TBL2: variants seen among roughly 807,000 people sequenced by gnomAD.
TBL2 encodes transducin beta like 2.
In TBL2, 33 loss-of-function variants were observed where a neutral mutation model predicts 41.8. The observed-to-expected ratio is 0.79, with a 90% CI of 0.60 to 1.06. The LOEUF (loss-of-function observed/expected upper bound fraction) is 1.06, where lower values mean the gene tolerates loss of function less well. Among genes scored for constraint, TBL2 ranks in the 50% least tolerant of loss-of-function variants. TBL2 has a pLI of 0.00. For synonymous variants in TBL2, 239 were observed against 241.7 expected (o/e 0.99, Z 0.10); for missense variants, 522 against 603.8 (o/e 0.86, Z 1.42).
At chr7:73,575,761 G>C (rs1371625382) in intron 1 of TBL2, among the ~76,000 whole-genome samples, 3 of 152,210 alleles carry the variant, frequency 2.0e-5, no homozygotes, top group African/African-American at 7.2e-5. Flanking sequence ...GAGAGGTTGA[G>C]AACTGGGGGC....
chr7:73,570,830 G>C lies in TBL2; in HGVS notation c.1021C>G (p.Pro341Ala). ...GCCAAGGCCAAGACCTGGGCGTTGGGGGAGAGGGCCAGGCGGCACGGCGCG... is the reference window on the plus strand; with the variant it reads ...GCCAAGGCCAAGACCTGGGCGTTGGCGGAGAGGGCCAGGCGGCACGGCGCG... ...GAAPCRLALS[P>A]NAQVLALASG... The change falls in exon 7 of 7, where the codon CCC becomes GCC. Residue 341 changes from proline (P) to alanine (A), a missense_variant. Coordinates refer to ENST00000305632, the MANE Select transcript of TBL2 (RefSeq NM_012453.4). 1 of 1,613,940 alleles carries C rather than the reference G, an allele frequency of 6.2e-7. No homozygotes were observed. Among genetic ancestry groups the C allele is most frequent in the Non-Finnish European group, 8.5e-7 (1 of 1,180,040 alleles).
chr7:73,574,056 C>T lies in TBL2; in HGVS notation c.328G>A (p.Asp110Asn). The change falls in exon 3 of 7, where the codon GAT becomes AAT. Residue 110 changes from aspartate (D) to asparagine (N), a missense_variant. Coordinates refer to ENST00000305632, the MANE Select transcript of TBL2 (RefSeq NM_012453.4). ...CTCCAGATGCGGATGGTGCGATCATCTGCACAGGTAGCCAGGTATTTGCCA... is the reference window on the plus strand; with the variant it reads ...CTCCAGATGCGGATGGTGCGATCATTTGCACAGGTAGCCAGGTATTTGCCA... ...SNGKYLATCA[D>N]DRTIRIWSTK... 1 of 1,614,226 alleles carries T rather than the reference C, an allele frequency of 6.2e-7. No individual in the cohort carries two copies. The highest frequency in any genetic ancestry group is 8.5e-7 in the Non-Finnish European group (1 of 1,180,040).
In TBL2 at chr7:73,578,380, G is replaced by A. The variant is rs984764901; in HGVS notation, c.130+40C>T. 7 of 1,522,094 alleles carry A rather than the reference G, an allele frequency of 4.6e-6. 1 individual carries two copies. The highest frequency in any genetic ancestry group is 2.0e-4 in the Middle Eastern group (1 of 4,940). 94.3% of individuals were successfully genotyped at this position (1,522,094 alleles called of 1,614,324 possible). ...GGACCACGAGGAGGCCGGGAGCCGG[G>A]ACACCGCGGGCCGCCCCCACCCGAC... On this transcript the variant is annotated intron_variant, in intron 1 of 6. Transcript: ENST00000305632.
intron 1 of TBL2, among the ~76,000 whole-genome samples, chr7:73,577,037 C>T (rs1159683758): frequency 6.6e-6 from 1 of 151,954 alleles, no homozygotes; most frequent in Admixed American, 6.6e-5. Context: ...GCAGGTGGAT[C>T]ACAAGAGGTT....
At chr7:73,577,246 C>T (rs57687668) in intron 1 of TBL2, among the ~76,000 whole-genome samples, 37 of 97,228 alleles carry the variant, frequency 3.8e-4, no homozygotes, top group African/African-American at 1.3e-3. Flanking sequence ...GGCGACAGAG[C>T]AAAACTCCGT....
Position 73,570,143 on chromosome 7 carries a change from T to G in TBL2, c.*364A>C. 1 of 198,860 alleles carries G rather than the reference T, an allele frequency of 5.0e-6. No homozygotes were observed. Among genetic ancestry groups the G allele is most frequent in the Non-Finnish European group, 1.0e-5 (1 of 97,478 alleles). The allele number at this position is 198,860 out of a possible 1,614,324, so 12.3% of individuals were successfully genotyped here. ...TAGTACTCAGGTGTTCTCTAGGTTG[T>G]TCTGGAACATTTACAAACTTCTTTG... On this transcript the variant is annotated 3_prime_UTR_variant, in exon 7 of 7. Coordinates refer to ENST00000305632, the MANE Select transcript of TBL2 (RefSeq NM_012453.4).
rs551635943 is a variant in TBL2 at position 73,570,537 on chromosome 7, G to T, written c.1314C>A (p.Thr438=). The change falls in exon 7 of 7, where the codon ACC becomes ACA. Residue 438 remains threonine (T), a synonymous_variant. Coordinates refer to ENST00000305632, the MANE Select transcript of TBL2 (RefSeq NM_012453.4). ...LQQQLTQAQE[T]LKSLGALKK Reference sequence around the variant, plus strand: ...TCTTCAGGGCACCCAGGCTCTTCAGGGTCTCTTGGGCCTGGGTCAGCTGCT... The same window carrying T: ...TCTTCAGGGCACCCAGGCTCTTCAGTGTCTCTTGGGCCTGGGTCAGCTGCT... 1.0e-5 allele frequency: 16 copies of T among 1,589,340 alleles called. No homozygotes were observed. In the African/African-American group the frequency reaches 1.6e-4, roughly 16 times the overall value.
At position 73,573,393 on chromosome 7, in the gene TBL2, GGTGT is replaced by G. The variant is rs1554588185; in HGVS notation, c.521_524del (p.Tyr174SerfsTer30). ...GGAAGTCCTCTGGGGTGGCTGTGAA[GGTGT>G]AGCCCCCATCCTCCCGCTTGGTCAT... On this transcript the variant is annotated frameshift_variant, in exon 4 of 7. Coordinates refer to ENST00000305632, the MANE Select transcript of TBL2 (RefSeq NM_012453.4). LOFTEE classifies it high-confidence loss of function. The G allele has an allele frequency of 6.2e-7, 1 of 1,614,186 alleles. No homozygotes were observed. Among genetic ancestry groups the G allele is most frequent in the Non-Finnish European group, 8.5e-7 (1 of 1,180,024 alleles).
rs139503659 is a variant in TBL2 at position 73,570,663 on chromosome 7, C to A, written c.1188G>T (p.Val396=). Residue 396 remains valine (V), a synonymous_variant, in exon 7 of 7, where the codon GTG becomes GTT. Coordinates refer to ENST00000305632, the MANE Select transcript of TBL2 (RefSeq NM_012453.4). ...GGCCAGGAGTGTTGTGAAACAGCCG[C>A]ACCGCCCGGTCCCCACAGGAGGCCA... The part of the protein sequence containing the change: ...RFLASCGDRA[V]RLFHNTPGHR... The A allele has an allele frequency of 1.4e-5, 23 of 1,613,904 alleles. No homozygotes were observed. The African/African-American group carries it at 1.6e-4, about 11-fold the overall frequency.
intron 1 of TBL2, chr7:73,574,725 T>C (rs1453927839): frequency 4.5e-5 from 29 of 650,660 alleles, no homozygotes; most frequent in Non-Finnish European, 7.5e-5. Context: ...CTTTGGATCA[T>C]TTGAGCCCAG....
chr7:73,571,568 C>A (rs1305261664), intron 5 of TBL2: 1 of 467,008 alleles, frequency 2.1e-6, no homozygotes. Flanking sequence ...ACCAGCCTGG[C>A]CAACATGGTG....
intron 1 of TBL2, among the ~76,000 whole-genome samples, chr7:73,577,672 T>G (rs1793424001): frequency 6.6e-6 from 1 of 152,196 alleles, no homozygotes; most frequent in Non-Finnish European, 1.5e-5. Context: ...GACAGGCTCT[T>G]GCCGTCACCC....
intron 5 of TBL2, 31 bp from the exon 6 acceptor site, chr7:73,571,372 T>G: frequency 6.2e-7 from 1 of 1,613,444 alleles, no homozygotes; most frequent in Non-Finnish European, 8.5e-7. Flanking sequence ...CTTTAAAACT[T>G]CATTTTCGGA....
Position 73,572,928 on chromosome 7 carries a change from A to G in TBL2, c.641T>C (p.Ile214Thr), listed in dbSNP as rs1463584596. ...CAGCACTTGACCCTTCAGGCTCCAG[A>G]TGAGGACAGTGGTGTCACTGGAGGC... ...MTASSDTTVL[I>T]WSLKGQVLST... Residue 214 changes from isoleucine (I) to threonine (T), a missense_variant, in exon 5 of 7, where the codon ATC becomes ACC. Coordinates refer to ENST00000305632, the MANE Select transcript of TBL2 (RefSeq NM_012453.4). 1.9e-6 allele frequency: 3 copies of G among 1,614,056 alleles called. No homozygotes were observed. The highest frequency in any genetic ancestry group is 2.5e-6 in the Non-Finnish European group (3 of 1,180,024).
At chr7:73,573,724 G>T in intron 3 of TBL2, 1 of 758,612 alleles carries the variant, frequency 1.3e-6, no homozygotes, top group Non-Finnish European at 2.1e-6. Context: ...GGTATTTCCA[G>T]GTAGGAAGAG....
rs1325146992 is a variant in TBL2 at position 73,567,589 on chromosome 7, T to C, written c.*2918A>G. 6.6e-6 allele frequency among the ~76,000 whole-genome samples: 1 copy of C among 152,094 alleles called. No homozygotes were observed. The highest frequency in any genetic ancestry group is 2.4e-5 in the African/African-American group (1 of 41,396). On this transcript the variant is annotated 3_prime_UTR_variant, in exon 7 of 7. Coordinates refer to ENST00000305632, the MANE Select transcript of TBL2 (RefSeq NM_012453.4). ...TTGAAAAATTTCACACCCACAGATG[T>C]TGAAATTATAATATTAAGATACAAT...
Position 73,574,694 on chromosome 7 carries a change from C to G in TBL2, c.131-181G>C, listed in dbSNP as rs1336277658. Reference sequence around the variant, plus strand: ...GGCTTTGGCTGGCTGGGTATGGTGGCTCATGCCTGTAATCCCAATGCTTTG... The same window carrying G: ...GGCTTTGGCTGGCTGGGTATGGTGGGTCATGCCTGTAATCCCAATGCTTTG... On this transcript the variant is annotated intron_variant, in intron 1 of 6. Coordinates refer to ENST00000305632, the MANE Select transcript of TBL2 (RefSeq NM_012453.4). The G allele has an allele frequency of 3.9e-6, 3 of 774,150 alleles. No individual in the cohort carries two copies. In the African/African-American group the frequency reaches 5.2e-5, roughly 13 times the overall value. 48.0% of individuals were successfully genotyped at this position (774,150 alleles called of 1,614,324 possible). A position where few individuals can be genotyped will look rare whatever the true frequency, so the allele number is the denominator to read the frequency against.
At chr7:73,576,222 T>C (rs573490565) in intron 1 of TBL2, among the ~76,000 whole-genome samples, 2 of 145,496 alleles carry the variant, frequency 1.4e-5, no homozygotes, top group African/African-American at 5.1e-5. Flanking sequence ...TTTTTTTGTT[T>C]GATACAGAGT....
At position 73,571,250 on chromosome 7, in the gene TBL2, A is replaced by C. The variant is rs1042920409; in HGVS notation, c.817T>G (p.Phe273Val). Residue 273 changes from phenylalanine to valine, a missense_variant, in exon 6 of 7, where the codon TTC becomes GTC. Phe to Val is a conservative substitution (Grantham distance 50). Coordinates refer to ENST00000305632, the MANE Select transcript of TBL2 (RefSeq NM_012453.4). ...GCCGCGGAGTGGCCCTTTAGTTCGA[A>C]GGCTCGCACCACCTCCTGGAACTCC... Reference protein sequence around the residue: ...KGEFQEVVRAFELKGHSAAVH... With the variant: ...KGEFQEVVRAVELKGHSAAVH... 1 of 1,614,212 alleles carries C rather than the reference A, an allele frequency of 6.2e-7. No homozygotes were observed. Among genetic ancestry groups the C allele is most frequent in the Non-Finnish European group, 8.5e-7 (1 of 1,180,046 alleles).
Sources: allele counts gnomAD v4.1 joint callset (sites outside exome capture counted in the v4.1 genomes callset), GRCh38; gene constraint gnomAD v4.1.1; transcripts MANE v1.5; gene names NCBI Gene and HGNC (gene_info 2026-07-23, HGNC 2026-07-21).